The following PPP2R3A variants were observed in gnomAD, a reference collection of about 807,000 sequenced individuals.
The protein encoded by PPP2R3A is protein phosphatase 2 regulatory subunit B''alpha, also known as serine/threonine-protein phosphatase 2A regulatory subunit B'' subunit alpha.
A neutral mutation model predicts 106.9 loss-of-function variants in PPP2R3A; 80 were observed. That is an observed-to-expected ratio of 0.75 (90% CI 0.62 to 0.90). PPP2R3A has a LOEUF of 0.90. Ranked by LOEUF, PPP2R3A falls within the 40% of genes least tolerant of loss-of-function variation. The probability of loss-of-function intolerance (pLI) is 0.00; values close to 1 mark genes in which losing one functional copy is unlikely to be tolerated. For missense variants in PPP2R3A, 1,386 were observed against 1,350.4 expected (o/e 1.03, Z -0.41); for synonymous variants, 483 against 468.3 (o/e 1.03, Z -0.41).
At chr3:136,116,278 C>T (rs970695719) in intron 13 of PPP2R3A, among the ~76,000 whole-genome samples, 6 of 152,198 alleles carry the variant, frequency 3.9e-5, no homozygotes, top group Admixed American at 3.3e-4. Context: ...GTACCAGCCA[C>T]TGCAAAAACA....
chr3:136,119,049 G>C lies in PPP2R3A; in HGVS notation c.3329+12727G>C, dbSNP rs200749681. The stretch of plus-strand genomic sequence containing the variant: ...TATAAACCAATGGAACAGAACAGAG[G>C]CCTCAGAAATAACACCACACATCTA... On this transcript the variant is annotated intron_variant, in intron 13 of 13. Transcript: ENST00000264977. 7.2e-5 allele frequency among the ~76,000 whole-genome samples: 11 copies of C among 152,114 alleles called. No individual in the cohort carries two copies. The East Asian group carries it at 1.4e-3, about 19-fold the overall frequency.
rs774219472 is a variant in PPP2R3A at position 136,145,077 on chromosome 3, C to A, written c.3364C>A (p.Pro1122Thr). The A allele has an allele frequency of 6.2e-7, 1 of 1,613,526 alleles. No individual in the cohort carries two copies. Among genetic ancestry groups the A allele is most frequent in the South Asian group, 1.1e-5 (1 of 91,020 alleles). The change falls in exon 14 of 14, where the codon CCC becomes ACC. Residue 1122 changes from proline (P) to threonine (T), a missense_variant. Physicochemically the swap from Pro to Thr is conservative, Grantham distance 38. Coordinates refer to ENST00000264977, the MANE Select transcript of PPP2R3A (RefSeq NM_002718.5). ...TTATGAAACAGATGAACCTGCCTCTCCCTCTGAATTTGGAAACAAAAGCAA... is the reference window on the plus strand; with the variant it reads ...TTATGAAACAGATGAACCTGCCTCTACCTCTGAATTTGGAAACAAAAGCAA... ...EDYETDEPAS[P>T]SEFGNKSNKI...
intron 1 of PPP2R3A, among the ~76,000 whole-genome samples, chr3:135,977,606 G>A (rs2107754234): frequency 6.7e-6 from 1 of 149,178 alleles, no homozygotes. Context: ...ATAAGTTAAA[G>A]AGCATAAAAA....
intron 1 of PPP2R3A, among the ~76,000 whole-genome samples, chr3:135,984,359 C>T (rs1937578090): frequency 6.6e-6 from 1 of 152,108 alleles, no homozygotes; most frequent in Non-Finnish European, 1.5e-5. Flanking sequence ...TTCTGTAAGC[C>T]TCAGTTTCCT....
intron 10 of PPP2R3A, among the ~76,000 whole-genome samples, 185 bp from the exon 11 acceptor site, chr3:136,101,822 T>A (rs527563058): frequency 3.8e-4 from 58 of 152,126 alleles, no homozygotes; most frequent in Non-Finnish European, 7.6e-4. Context: ...TTGAACACGG[T>A]TGATTCTGGG....
chr3:136,063,148 T>C (rs569909673), intron 5 of PPP2R3A, among the ~76,000 whole-genome samples: 23 of 152,132 alleles, frequency 1.5e-4, no homozygotes, highest in African/African-American at 5.1e-4. Flanking sequence ...TTTGACAAAC[T>C]TGACAAAAAC....
intron 3 of PPP2R3A, among the ~76,000 whole-genome samples, chr3:136,039,773 G>T (rs897889659): frequency 6.6e-6 from 1 of 151,958 alleles, no homozygotes; most frequent in Admixed American, 6.6e-5. Flanking sequence ...AAAATAAATT[G>T]TCCTTTTACT....
intron 13 of PPP2R3A, among the ~76,000 whole-genome samples, chr3:136,130,030 C>A (rs1938341745): frequency 6.6e-6 from 1 of 152,116 alleles, no homozygotes; most frequent in Non-Finnish European, 1.5e-5. Context: ...ATAATAAGAG[C>A]TCTTTATGAC....
chr3:136,043,127 T>G (rs973448516), intron 4 of PPP2R3A, among the ~76,000 whole-genome samples: 8 of 150,906 alleles, frequency 5.3e-5, no homozygotes, highest in Non-Finnish European at 1.0e-4. Flanking sequence ...CTCTACATAA[T>G]CTTAAAAAAA....
chr3:136,071,704 C>T (rs532095972), intron 6 of PPP2R3A, among the ~76,000 whole-genome samples: 86 of 152,196 alleles, frequency 5.7e-4, no homozygotes, highest in Non-Finnish European at 1.1e-3. Context: ...TCCCAGCTCA[C>T]ATAGAATAAA....
intron 1 of PPP2R3A, among the ~76,000 whole-genome samples, chr3:135,980,363 A>G (rs1023773808): frequency 6.6e-6 from 1 of 151,732 alleles, no homozygotes; most frequent in Non-Finnish European, 1.5e-5. Context: ...CTTGCTCAGT[A>G]CATAAGACAG....
At chr3:135,987,587 G>A (rs937290378) in intron 1 of PPP2R3A, among the ~76,000 whole-genome samples, 2 of 152,154 alleles carry the variant, frequency 1.3e-5, no homozygotes, top group Admixed American at 6.5e-5. Context: ...GAACTGTCAT[G>A]TGTCACATCA....
At chr3:136,031,335 A>G (rs1439705460) in intron 3 of PPP2R3A, among the ~76,000 whole-genome samples, 2 of 152,086 alleles carry the variant, frequency 1.3e-5, no homozygotes, top group East Asian at 3.9e-4. Context: ...TATTCATGTC[A>G]TTAGCCCACT....
intron 10 of PPP2R3A, among the ~76,000 whole-genome samples, chr3:136,094,711 A>AT (rs1576498628): frequency 6.6e-6 from 1 of 152,372 alleles, no homozygotes; most frequent in African/African-American, 2.4e-5. Flanking sequence ...TCAGATGTCT[A>AT]TTAAAGAAAA....
intron 13 of PPP2R3A, among the ~76,000 whole-genome samples, chr3:136,140,438 T>A (rs1419396304): frequency 4.2e-5 from 5 of 119,076 alleles, no homozygotes; most frequent in Non-Finnish European, 8.1e-5. Flanking sequence ...AGAGTGAGAC[T>A]CTTTAAAAAA....
intron 2 of PPP2R3A, chr3:136,023,236 T>C (rs772868318): frequency 1.9e-6 from 3 of 1,558,784 alleles, no homozygotes; most frequent in East Asian, 4.5e-5. Flanking sequence ...TGTTTTGTTT[T>C]GTTTTGTTTT....
In PPP2R3A at chr3:136,070,495, C is replaced by T. The variant is rs1475057215; in HGVS notation, c.2487C>T (p.His829=). Reference sequence around the variant, plus strand: ...TTTTTCAGGATGTGGTGGATACCCACCCTGGTCTCACGTTCCTGAAAGATG... The same window carrying T: ...TTTTTCAGGATGTGGTGGATACCCATCCTGGTCTCACGTTCCTGAAAGATG... ...IPLLQDVVDT[H]PGLTFLKDAP... Residue 829 remains histidine, a synonymous_variant, in exon 6 of 14, where the codon CAC becomes CAT. Transcript: ENST00000264977. 1.9e-6 allele frequency: 3 copies of T among 1,608,922 alleles called. No homozygotes were observed. The highest frequency in any genetic ancestry group is 2.7e-5 in the African/African-American group (2 of 74,660).
intron 2 of PPP2R3A, among the ~76,000 whole-genome samples, chr3:136,012,295 C>T (rs1934112408): frequency 6.6e-6 from 1 of 152,110 alleles, no homozygotes; most frequent in Non-Finnish European, 1.5e-5. Flanking sequence ...TCATTTTAGG[C>T]TCTAATTCTT....
chr3:136,017,312 A>G (rs1313323258), intron 2 of PPP2R3A, among the ~76,000 whole-genome samples: 4 of 152,180 alleles, frequency 2.6e-5, no homozygotes, highest in Admixed American at 6.5e-5. Flanking sequence ...TCTTTTTGCA[A>G]TGAATTTCTC....
Sources: allele counts gnomAD v4.1 joint callset (sites outside exome capture counted in the v4.1 genomes callset), GRCh38; gene constraint gnomAD v4.1.1; transcripts MANE v1.5; gene names NCBI Gene and HGNC (gene_info 2026-07-23, HGNC 2026-07-21).